SHANK2: variants seen among roughly 807,000 people sequenced by gnomAD.
SHANK2 encodes SH3 and multiple ankyrin repeat domains protein 2.
A neutral mutation model predicts 133.7 loss-of-function variants in SHANK2; 43 were observed. That is an observed-to-expected ratio of 0.32 (90% confidence interval 0.25 to 0.41). SHANK2 has a LOEUF of 0.41. Among genes scored for constraint, SHANK2 ranks in the 10% least tolerant of loss-of-function variants. The probability of loss-of-function intolerance (pLI) is 1.00; values close to 1 mark genes in which losing one functional copy is unlikely to be tolerated. For synonymous variants in SHANK2, 1,017 were observed against 952.8 expected (o/e 1.07, Z -1.24); for missense variants, 1,994 against 2,235.8 (o/e 0.89, Z 2.18).
Position 70,535,578 on chromosome 11 carries a change from G to A in SHANK2, c.2062-32647C>T, listed in dbSNP as rs151195697. On this transcript the variant is annotated intron_variant, in intron 17 of 25. Coordinates refer to ENST00000601538, the MANE Select transcript of SHANK2 (RefSeq NM_012309.5). The surrounding 1 kb of genome is among the most constrained non-coding windows in gnomAD (Gnocchi z 4.3). The stretch of plus-strand genomic sequence containing the variant: ...TGTTCGTCCATCTCCCCGTCCTTCT[G>A]TCTGCTGGTGCATCTCATGTCTGTC... 2.0e-5 allele frequency among the ~76,000 whole-genome samples: 3 copies of A among 152,360 alleles called. No individual in the cohort carries two copies. The highest frequency in any genetic ancestry group is 7.2e-5 in the African/African-American group (3 of 41,572).
chr11:70,927,990 G>T (rs1170298201), intron 10 of SHANK2, among the ~76,000 whole-genome samples: 7 of 152,110 alleles, frequency 4.6e-5, no homozygotes, highest in African/African-American at 1.7e-4. Flanking sequence ...GGCAGATTGT[G>T]GGACTTCTCA....
intron 14 of SHANK2, among the ~76,000 whole-genome samples, chr11:70,781,323 G>C (rs781926526): frequency 1.8e-4 from 27 of 151,804 alleles, no homozygotes; most frequent in Admixed American, 4.6e-4. Flanking sequence ...ACTGGCTGGT[G>C]TTGGAATCGG....
chr11:70,899,969 C>A (rs1555076439), intron 10 of SHANK2, among the ~76,000 whole-genome samples: 2 of 152,226 alleles, frequency 1.3e-5, no homozygotes, highest in African/African-American at 4.8e-5. Context: ...TAGGTTTTCT[C>A]ACCTGTGAAA....
chr11:71,128,102 G>A (rs1192226012), intron 3 of SHANK2, among the ~76,000 whole-genome samples: 1 of 152,218 alleles, frequency 6.6e-6, no homozygotes, highest in African/African-American at 2.4e-5. Flanking sequence ...ACTGCCCACG[G>A]CCCTCAGGCC....
At chr11:70,572,872 C>T (rs542652917) in intron 17 of SHANK2, among the ~76,000 whole-genome samples, 7 of 152,306 alleles carry the variant, frequency 4.6e-5, no homozygotes, top group South Asian at 2.1e-4. Flanking sequence ...CCATCTATCA[C>T]GTGACCCAGG....
intron 14 of SHANK2, among the ~76,000 whole-genome samples, chr11:70,770,604 G>A (rs978471461): frequency 1.3e-5 from 2 of 152,218 alleles, no homozygotes; most frequent in Non-Finnish European, 2.9e-5. Flanking sequence ...TTCTGGCCCT[G>A]TTTATCCAAT....
intron 8 of SHANK2, among the ~76,000 whole-genome samples, chr11:71,084,569 G>A (rs899670047): frequency 6.6e-6 from 1 of 152,220 alleles, no homozygotes; most frequent in African/African-American, 2.4e-5. Context: ...TGCTAGAACA[G>A]AGACACAGAC....
At chr11:70,756,011 C>T (rs558650977) in intron 14 of SHANK2, among the ~76,000 whole-genome samples, 21 of 152,288 alleles carry the variant, frequency 1.4e-4, no homozygotes, top group African/African-American at 4.8e-4. Flanking sequence ...ACCCCACTGA[C>T]GTCCTGGGGC....
intron 14 of SHANK2, among the ~76,000 whole-genome samples, chr11:70,706,559 C>T (rs115899140): frequency 1.3e-4 from 20 of 152,148 alleles, no homozygotes; most frequent in African/African-American, 4.3e-4. Flanking sequence ...TGAAGTGGGC[C>T]GGTGGGACTA....
intron 10 of SHANK2, chr11:70,952,717 C>T (rs565506231): frequency 1.9e-4 from 76 of 409,970 alleles, no homozygotes; most frequent in African/African-American, 9.0e-4. Flanking sequence ...CTCTGGGGGA[C>T]GCAGATGGCA....
chr11:71,119,070 G>A (rs1292674523), intron 3 of SHANK2, 38 bp from the exon 4 acceptor site: 18 of 1,538,978 alleles, frequency 1.2e-5, no homozygotes, highest in Non-Finnish European at 1.5e-5. Context: ...GAGTGACAGA[G>A]GACGCTACCT....
intron 2 of SHANK2, among the ~76,000 whole-genome samples, chr11:71,148,572 G>A (rs1565479579): frequency 6.6e-6 from 1 of 152,178 alleles, no homozygotes; most frequent in African/African-American, 2.4e-5. Context: ...TCCACTTCTG[G>A]GTGCGTTCTG....
At chr11:70,902,263 G>A (rs1950033694) in intron 10 of SHANK2, among the ~76,000 whole-genome samples, 1 of 152,242 alleles carries the variant, frequency 6.6e-6, no homozygotes, top group African/African-American at 2.4e-5. Context: ...GGCTGGGAAG[G>A]AGGAAGGCCT....
intron 17 of SHANK2, among the ~76,000 whole-genome samples, chr11:70,547,388 G>T (rs1307898804): frequency 6.6e-6 from 1 of 152,122 alleles, no homozygotes; most frequent in Non-Finnish European, 1.5e-5. Context: ...TGCCTTCTGA[G>T]TAGCTGGGAT....
chr11:70,643,453 C>T (rs2061214569), intron 17 of SHANK2, among the ~76,000 whole-genome samples: 1 of 151,622 alleles, frequency 6.6e-6, no homozygotes, highest in South Asian at 2.1e-4. Context: ...AGTCCCAGCT[C>T]CTCAGGAGGC....
chr11:70,537,563 G>A (rs1432608515), intron 17 of SHANK2, among the ~76,000 whole-genome samples: 4 of 152,212 alleles, frequency 2.6e-5, no homozygotes, highest in Non-Finnish European at 5.9e-5. Flanking sequence ...TCTTGGGATG[G>A]CACGGGGCCC....
At chr11:71,069,303 CCAT>C (rs1223194878) in intron 9 of SHANK2, among the ~76,000 whole-genome samples, 1 of 151,844 alleles carries the variant, frequency 6.6e-6, no homozygotes, top group Non-Finnish European at 1.5e-5. Context: ...TTCACCTTCA[CCAT>C]CATCACTATC....
chr11:71,137,489 G>A (rs75424095), intron 3 of SHANK2, among the ~76,000 whole-genome samples: 4,491 of 152,150 alleles, frequency 0.03, 205 homozygotes, highest in African/African-American at 0.099. Flanking sequence ...AAAGGAGGCT[G>A]CAGCAGGAGA....
At chr11:70,845,198 C>CAAAAAAAAAAAAAAAAAAAAA (rs782471301) in intron 11 of SHANK2, among the ~76,000 whole-genome samples, 1 of 51,694 alleles carries the variant, frequency 1.9e-5, no homozygotes, top group Non-Finnish European at 3.8e-5. Flanking sequence ...GACTCTGTCT[C>CAAAAAAAAAAAAAAAAAAAAA]AAAAAAAAAA....
Sources: gnomAD v4.1 joint callset for allele counts (sites outside exome capture counted in the v4.1 genomes callset) on GRCh38, gnomAD v4.1.1 for gene constraint, Gnocchi (gnomAD v3.1) non-coding constraint, MANE v1.5 for transcripts, NCBI Gene and HGNC (gene_info 2026-07-23, HGNC 2026-07-21) for gene names.